Variants in RECQL observed in about 807,000 individuals in gnomAD.
RECQL encodes the protein RecQ like helicase, also known as ATP-dependent DNA helicase Q1.
Under a neutral mutation model 75.8 loss-of-function variants are expected in RECQL, and 73 were observed. The observed-to-expected ratio is 0.96, with a 90% CI of 0.80 to 1.17. The LOEUF (loss-of-function observed/expected upper bound fraction) is 1.17. Ranked by LOEUF, RECQL falls within the 50% of genes most tolerant of loss-of-function variation. The pLI, the probability that RECQL is intolerant of heterozygous loss-of-function variation, is 0.00. For synonymous variants in RECQL, 248 were observed against 254.4 expected (o/e 0.97, Z 0.24); for missense variants, 699 against 772.1 (o/e 0.91, Z 1.12).
At chr12:21,495,185 T>C (rs1387057749) in intron 2 of RECQL, among the ~76,000 whole-genome samples, 1 of 152,190 alleles carries the variant, frequency 6.6e-6, no homozygotes, top group African/African-American at 2.4e-5. Flanking sequence ...GGCCCTTGAA[T>C]AAGGCAGAGG....
intron 1 of RECQL, among the ~76,000 whole-genome samples, chr12:21,500,554 G>C (rs907979820): frequency 4.6e-5 from 7 of 152,212 alleles, no homozygotes; most frequent in Admixed American, 6.5e-5. Flanking sequence ...GCTAAAGAAT[G>C]TGGAATAACC....
In RECQL at chr12:21,471,446, A is replaced by T. The variant is rs374170116; in HGVS notation, c.1649T>A (p.Leu550Gln). Residue 550 changes from leucine (L) to glutamine (Q), a missense_variant, in exon 13 of 15, where the codon CTA becomes CAA. By Grantham distance (113) the Leu-to-Gln change is moderately radical (BLOSUM62 -2). Coordinates refer to ENST00000444129, the MANE Select transcript of RECQL (RefSeq NM_002907.4). The part of the protein sequence containing the change: ...EDLEKIIAHF[L>Q]IQQYLKEDYS... Reference sequence around the variant, plus strand: ...TACATACTTAAGATACTGCTGTATTAGAAAGTGTGCAATAATCTTCTCCAG... The same window carrying T: ...TACATACTTAAGATACTGCTGTATTTGAAAGTGTGCAATAATCTTCTCCAG... 3.8e-5 allele frequency: 61 copies of T among 1,612,696 alleles called. No individual in the cohort carries two copies. Among genetic ancestry groups the T allele is most frequent in the Non-Finnish European group, 5.2e-5 (61 of 1,179,044 alleles).
chr12:21,481,538 C>CA (rs1943191960), intron 6 of RECQL, among the ~76,000 whole-genome samples: 2 of 152,008 alleles, frequency 1.3e-5, no homozygotes, highest in Admixed American at 1.3e-4. Context: ...CACCAGGTAA[C>CA]AACTATGTGG....
At position 21,499,498 on chromosome 12, in the gene RECQL, A is replaced by G. The variant is rs114768760; in HGVS notation, c.16+57T>C. 823 of 1,431,670 alleles carry G rather than the reference A, an allele frequency of 5.7e-4. 10 individuals carry two copies. The African/African-American group carries it at 0.011, about 18-fold the overall frequency. The allele number at this position is 1,431,670 out of a possible 1,614,324, so 88.7% of individuals were successfully genotyped here. A position where few individuals can be genotyped will look rare whatever the true frequency, so the allele number is the denominator to read the frequency against. ...ATTTTTAAAACAAACTTTTTCAAAT[A>G]TCATACAAACAGAAATAGAACAGAA... is the stretch of plus-strand genomic sequence containing the variant. On this transcript the variant is annotated intron_variant, in intron 2 of 14. Transcript: ENST00000444129.
At chr12:21,472,754 C>T (rs58874042) in intron 12 of RECQL, among the ~76,000 whole-genome samples, 2,036 of 152,198 alleles carry the variant, frequency 0.013, 40 homozygotes, top group African/African-American at 0.046. Flanking sequence ...TCCTGCTGAT[C>T]TACATTTAAA....
chr12:21,480,138 A>C (rs1006665733), intron 6 of RECQL, among the ~76,000 whole-genome samples: 1 of 152,212 alleles, frequency 6.6e-6, no homozygotes, highest in Non-Finnish European at 1.5e-5. Context: ...GCTTAAGAAG[A>C]GAGGAAGAGT....
intron 6 of RECQL, among the ~76,000 whole-genome samples, chr12:21,480,066 A>G (rs1411592830): frequency 6.6e-6 from 1 of 152,228 alleles, no homozygotes; most frequent in Non-Finnish European, 1.5e-5. Flanking sequence ...ACAAAGAGTA[A>G]ACCAATAAAT....
intron 12 of RECQL, 125 bp from the exon 13 acceptor site, chr12:21,471,772 T>C: frequency 5.7e-6 from 4 of 699,672 alleles, no homozygotes; most frequent in Non-Finnish European, 9.7e-6. Flanking sequence ...AACATTGATT[T>C]TTAAATGTAT....
chr12:21,497,467 C>T (rs963973852), intron 2 of RECQL, among the ~76,000 whole-genome samples: 1 of 152,196 alleles, frequency 6.6e-6, no homozygotes. Context: ...CAGCAGTAAG[C>T]AGTCCACATA....
In RECQL at chr12:21,501,531, G is replaced by A. The variant is rs1442111162; in HGVS notation, c.-407C>T. 1 of 223,614 alleles carries A rather than the reference G, an allele frequency of 4.5e-6. No individual in the cohort carries two copies. Among genetic ancestry groups the A allele is most frequent in the East Asian group, 1.2e-4 (1 of 8,096 alleles). The allele number at this position is 223,614 out of a possible 1,614,324, so 13.9% of individuals were successfully genotyped here. On this transcript the variant is annotated 5_prime_UTR_variant, in exon 1 of 15. Coordinates refer to ENST00000444129, the MANE Select transcript of RECQL (RefSeq NM_002907.4). ...CCGACTGTCCTGTGTCCGACTCTCC[G>A]ATCTCCGACTCTCGGATCTCCGACA...
chr12:21,485,338 A>G (rs1433866661), intron 5 of RECQL, among the ~76,000 whole-genome samples: 2 of 151,022 alleles, frequency 1.3e-5, no homozygotes, highest in African/African-American at 4.9e-5. Flanking sequence ...CTGAAAAAAA[A>G]AAAAAGAAAA....
At chr12:21,489,065 C>T (rs1943359959) in intron 4 of RECQL, among the ~76,000 whole-genome samples, 1 of 152,226 alleles carries the variant, frequency 6.6e-6, no homozygotes, top group Non-Finnish European at 1.5e-5. Context: ...GAACAGCTTT[C>T]CCTGACAGCC....
chr12:21,500,040 T>C (rs1263575351), intron 1 of RECQL, among the ~76,000 whole-genome samples: 1 of 152,242 alleles, frequency 6.6e-6, no homozygotes, highest in Non-Finnish European at 1.5e-5. Flanking sequence ...CCAAGCCTCT[T>C]TCCCTACCTG....
intron 1 of RECQL, 31 bp from the exon 2 acceptor site, chr12:21,499,646 G>A (rs1943569504): frequency 5.7e-6 from 7 of 1,233,826 alleles, no homozygotes; most frequent in Non-Finnish European, 8.2e-6. Context: ...GTGACAACAA[G>A]TTTTTAAAAA....
chr12:21,483,284 G>C (rs1437688257), intron 6 of RECQL, 92 bp downstream of exon 6: 2 of 845,010 alleles, frequency 2.4e-6, no homozygotes, highest in South Asian at 1.6e-5. Flanking sequence ...ACTTGAGGAT[G>C]ATTTTAATAG....
chr12:21,486,719 A>T, intron 4 of RECQL, 134 bp from the exon 5 acceptor site: 1 of 721,838 alleles, frequency 1.4e-6, no homozygotes, highest in Non-Finnish European at 2.0e-6. Flanking sequence ...TGCCCAGGCT[A>T]GAGTGCAGTG....
Position 21,477,939 on chromosome 12 carries a change from T to C in RECQL, c.731A>G (p.Gln244Arg). Residue 244 changes from glutamine to arginine, a missense_variant, in exon 7 of 15, where the codon CAG becomes CGG. Transcript: ENST00000444129. ...CCCAATTAGTGATGCGTTAGGGAAC[T>C]GCCGCTTTAAGATACCAAGTGCCTT... The part of the protein sequence containing the change: ...DYKALGILKR[Q>R]FPNASLIGLT... 6.2e-7 allele frequency: 1 copy of C among 1,611,660 alleles called. No individual in the cohort carries two copies. The highest frequency in any genetic ancestry group is 8.5e-7 in the Non-Finnish European group (1 of 1,179,184).
At chr12:21,478,997 C>T (rs1388476730) in intron 6 of RECQL, among the ~76,000 whole-genome samples, 1 of 152,176 alleles carries the variant, frequency 6.6e-6, no homozygotes, top group Non-Finnish European at 1.5e-5. Flanking sequence ...GACCTTTCCA[C>T]GAGCTTCCCT....
intron 5 of RECQL, 28 bp downstream of exon 5, chr12:21,486,451 T>G: frequency 7.4e-7 from 1 of 1,353,286 alleles, no homozygotes; most frequent in East Asian, 2.6e-5. Flanking sequence ...TAGTTTACAT[T>G]AAAAAAAAAA....
Sources: allele counts gnomAD v4.1 joint callset (sites outside exome capture counted in the v4.1 genomes callset), GRCh38; gene constraint gnomAD v4.1.1; transcripts MANE v1.5; gene names NCBI Gene and HGNC (gene_info 2026-07-23, HGNC 2026-07-21).